Variants in THSD7B observed in about 807,000 individuals in gnomAD.
THSD7B encodes the protein thrombospondin type-1 domain-containing protein 7B.
THSD7B carries 138 observed loss-of-function variants against 213.6 expected under a neutral mutation model. The observed-to-expected ratio is 0.65, with a 90% CI of 0.56 to 0.74. The LOEUF is 0.74. Among genes scored for constraint, THSD7B ranks in the 30% least tolerant of loss-of-function variants. The pLI is 0.00. For synonymous variants in THSD7B, 742 were observed against 687.0 expected (o/e 1.08, Z -1.25); for missense variants, 1,931 against 1,991.5 (o/e 0.97, Z 0.58).
At chr2:136,862,587 A>G (rs1683272515) in intron 1 of THSD7B, among the ~76,000 whole-genome samples, 1 of 152,186 alleles carries the variant, frequency 6.6e-6, no homozygotes, top group Non-Finnish European at 1.5e-5. Flanking sequence ...GTAAATGATT[A>G]TTGTACAACA....
chr2:137,275,901 C>CCATCGTT (rs1682858193), intron 11 of THSD7B, 22 bp from the exon 12 acceptor site: 1 of 1,578,018 alleles, frequency 6.3e-7, no homozygotes, highest in Non-Finnish European at 8.7e-7. Flanking sequence ...AGTTTCTAGT[C>CCATCGTT]CATCGTTTTT....
chr2:137,314,009 A>G (rs560729579), intron 12 of THSD7B, among the ~76,000 whole-genome samples: 133 of 152,164 alleles, frequency 8.7e-4, no homozygotes, highest in African/African-American at 2.9e-3. Flanking sequence ...CTCGAGGAGT[A>G]TCTTTGTGGC....
chr2:136,864,895 C>T (rs991343832), intron 1 of THSD7B, among the ~76,000 whole-genome samples: 1 of 152,212 alleles, frequency 6.6e-6, no homozygotes, highest in Non-Finnish European at 1.5e-5. Flanking sequence ...CTACATAATA[C>T]TCCATGGAGA....
At chr2:137,668,034 T>C (rs2104827470) in intron 27 of THSD7B, among the ~76,000 whole-genome samples, 173 bp downstream of exon 27, 2 of 152,326 alleles carry the variant, frequency 1.3e-5, no homozygotes, top group Admixed American at 1.3e-4. Flanking sequence ...TTGTTCTTAT[T>C]TGAGATAACA....
intron 5 of THSD7B, among the ~76,000 whole-genome samples, chr2:137,151,003 A>G (rs1679808881): frequency 1.3e-5 from 2 of 152,176 alleles, no homozygotes; most frequent in African/African-American, 2.4e-5. Flanking sequence ...TAGGAGTCAA[A>G]GTTGCTCTGG....
chr2:137,389,275 T>A (rs1685965126), intron 12 of THSD7B, among the ~76,000 whole-genome samples: 1 of 147,600 alleles, frequency 6.8e-6, no homozygotes, highest in South Asian at 2.1e-4. Flanking sequence ...TAAGATGATA[T>A]CTCATTGTGG....
In THSD7B at chr2:136,831,316, C is replaced by T. The variant is rs572591036; in HGVS notation, c.-35-50828C>T. On this transcript the variant is annotated intron_variant, in intron 1 of 27. Transcript: ENST00000409968. The stretch of plus-strand genomic sequence containing the variant: ...ATATTTGTATAATATTCTCCTTCAT[C>T]TCTTTATTTGACCCATATAACCTAA... Among the ~76,000 whole-genome samples the T allele has an allele frequency of 5.3e-4, 81 of 152,198 alleles. 1 individual carries two copies. Among genetic ancestry groups the T allele is most frequent in the African/African-American group, 1.9e-3 (77 of 41,536 alleles).
At chr2:137,665,688 A>G (rs1284980914) in intron 26 of THSD7B, among the ~76,000 whole-genome samples, 1 of 152,120 alleles carries the variant, frequency 6.6e-6, no homozygotes, top group Non-Finnish European at 1.5e-5. Flanking sequence ...AAGTCCGTAA[A>G]TTATATGAAT....
chr2:137,575,742 A>ATATATATATATATATATTTTTTTT (rs1235744133), intron 17 of THSD7B, among the ~76,000 whole-genome samples: 2 of 147,328 alleles, frequency 1.4e-5, no homozygotes, highest in Non-Finnish European at 1.5e-5. Context: ...ATATATATAT[A>ATATATATATATATATATTTTTTTT]TTTTTACTTT....
intron 12 of THSD7B, among the ~76,000 whole-genome samples, chr2:137,404,470 T>TACAC (rs1188350163): frequency 1.0e-3 from 65 of 62,526 alleles, no homozygotes; most frequent in African/African-American, 3.8e-3. Context: ...TATATATATA[T>TACAC]ATATACACAC....
intron 2 of THSD7B, among the ~76,000 whole-genome samples, chr2:136,928,786 C>G (rs992854319): frequency 3.3e-5 from 5 of 151,988 alleles, no homozygotes; most frequent in African/African-American, 9.7e-5. Flanking sequence ...TTTAGGAGCT[C>G]ATCTGAAATA....
chr2:137,591,458 A>G (rs983164964), intron 17 of THSD7B, among the ~76,000 whole-genome samples: 5 of 151,994 alleles, frequency 3.3e-5, no homozygotes, highest in South Asian at 2.1e-4. Context: ...AGTTCAGTAT[A>G]TTTCAGTTTT....
intron 2 of THSD7B, among the ~76,000 whole-genome samples, chr2:136,972,933 A>G (rs1255932811): frequency 6.6e-6 from 1 of 152,132 alleles, no homozygotes; most frequent in Non-Finnish European, 1.5e-5. Context: ...TGAGATTCAG[A>G]TAAATTCTTC....
At chr2:137,558,912 C>T (rs1462676440) in intron 15 of THSD7B, among the ~76,000 whole-genome samples, 1 of 152,138 alleles carries the variant, frequency 6.6e-6, no homozygotes, top group Non-Finnish European at 1.5e-5. Context: ...CATTCTTATA[C>T]ACCAATAACA....
At chr2:137,293,314 T>G (rs1683382325) in intron 12 of THSD7B, among the ~76,000 whole-genome samples, 1 of 151,904 alleles carries the variant, frequency 6.6e-6, no homozygotes, top group Admixed American at 6.6e-5. Context: ...AACTTTTGTA[T>G]TTTGGGTAGA....
chr2:136,921,330 A>G (rs146365210), intron 2 of THSD7B, among the ~76,000 whole-genome samples: 13 of 151,828 alleles, frequency 8.6e-5, no homozygotes, highest in Middle Eastern at 3.5e-3. Flanking sequence ...GCCTTCTGCT[A>G]TGTTGCTCAT....
intron 2 of THSD7B, among the ~76,000 whole-genome samples, chr2:137,015,220 A>T (rs1343478707): frequency 1.3e-5 from 2 of 152,148 alleles, no homozygotes; most frequent in Non-Finnish European, 2.9e-5. Flanking sequence ...TAACTAGAGG[A>T]CACGTGTCTC....
intron 27 of THSD7B, among the ~76,000 whole-genome samples, chr2:137,669,573 G>A (rs142074264): frequency 0.017 from 2,611 of 152,262 alleles, 79 homozygotes; most frequent in African/African-American, 0.06. Context: ...CACCAGAAAA[G>A]ATTAAAACAA....
chr2:136,897,209 T>G (rs1024570674), intron 2 of THSD7B, among the ~76,000 whole-genome samples: 1 of 152,194 alleles, frequency 6.6e-6, no homozygotes. Flanking sequence ...TGTCCGTAAC[T>G]GGTTCCTTCC....
Sources: allele counts gnomAD v4.1 joint callset (sites outside exome capture counted in the v4.1 genomes callset), GRCh38; gene constraint gnomAD v4.1.1; transcripts MANE v1.5; gene names NCBI Gene and HGNC (gene_info 2026-07-23, HGNC 2026-07-21).